Variants in LMBR1 observed in about 807,000 individuals in gnomAD.
The protein encoded by LMBR1 is limb region 1 protein homolog.
Under a neutral mutation model 73.9 loss-of-function variants are expected in LMBR1, and 52 were observed. The observed-to-expected ratio is 0.70, with a 90% CI of 0.56 to 0.89. The LOEUF is 0.89. Ranked by LOEUF, LMBR1 falls within the 40% of genes least tolerant of loss-of-function variation. The pLI is 0.00. For missense variants in LMBR1, 539 were observed against 579.8 expected (o/e 0.93, Z 0.72); for synonymous variants, 215 against 209.4 (o/e 1.03, Z -0.23).
Position 156,724,137 on chromosome 7 carries a change from A to T in LMBR1, c.1200T>A (p.Ala400=). Residue 400 remains alanine, a synonymous_variant, in exon 15 of 17, where the codon GCT becomes GCA. Coordinates refer to ENST00000353442, the MANE Select transcript of LMBR1 (RefSeq NM_022458.4). ...CCAGTGTTCTCGACATCACAGGCAG[A>T]GCAGAGCTCAAAACCAAGATGGACA... is the stretch of plus-strand genomic sequence containing the variant. ...NCVSILVLSS[A]LPVMSRTLGI... is the part of the protein sequence containing the mutation. 1.2e-6 allele frequency: 2 copies of T among 1,611,398 alleles called. No homozygotes were observed. The highest frequency in any genetic ancestry group is 1.7e-6 in the Non-Finnish European group (2 of 1,178,568).
At chr7:156,803,861 G>A (rs1831488457) in intron 4 of LMBR1, among the ~76,000 whole-genome samples, 1 of 151,718 alleles carries the variant, frequency 6.6e-6, no homozygotes, top group African/African-American at 2.4e-5. Flanking sequence ...GATGAAACTG[G>A]AACCCATCAT....
intron 4 of LMBR1, among the ~76,000 whole-genome samples, chr7:156,807,265 A>G (rs918187392): frequency 3.9e-5 from 6 of 152,206 alleles, no homozygotes; most frequent in Non-Finnish European, 7.3e-5. Flanking sequence ...ATGTTCCCAC[A>G]TCTTCAATTT....
intron 4 of LMBR1, among the ~76,000 whole-genome samples, chr7:156,803,181 C>G (rs1369472534): frequency 2.0e-5 from 3 of 152,214 alleles, no homozygotes; most frequent in Non-Finnish European, 4.4e-5. Flanking sequence ...AGCTTCTGCA[C>G]AGCAAAAGAA....
chr7:156,699,775 T>C (rs1317371703), intron 15 of LMBR1, among the ~76,000 whole-genome samples: 2 of 152,082 alleles, frequency 1.3e-5, no homozygotes, highest in Admixed American at 1.3e-4. Flanking sequence ...AGAAGACATT[T>C]ATGCAGCCAA....
intron 10 of LMBR1, 31 bp downstream of exon 10, chr7:156,734,146 T>TA: frequency 2.9e-6 from 4 of 1,392,270 alleles, no homozygotes; most frequent in Non-Finnish European, 4.0e-6. Context: ...CCAAGGCCAA[T>TA]ACACAAGTCA....
chr7:156,797,274 T>G lies in LMBR1; in HGVS notation c.320-782A>C, dbSNP rs529498422. On this transcript the variant is annotated intron_variant, in intron 4 of 16. Coordinates refer to ENST00000353442, the MANE Select transcript of LMBR1 (RefSeq NM_022458.4). ...AAAAGACAGAGCCCTGTTAGGTATG[T>G]CATTGGGAGGGTATTTGGCCCAACA... Among the ~76,000 whole-genome samples the G allele has an allele frequency of 1.4e-4, 22 of 152,308 alleles. No individual in the cohort carries two copies. In the East Asian group the frequency reaches 4.2e-3, roughly 29 times the overall value.
At chr7:156,858,072 CAAAAAAA>C (rs764584626) in intron 1 of LMBR1, among the ~76,000 whole-genome samples, 2,839 of 59,740 alleles carry the variant, frequency 0.048, 119 homozygotes, top group African/African-American at 0.14. Flanking sequence ...CCAAAGTAAG[CAAAAAAA>C]AAAAAAAAAA....
Position 156,734,257 on chromosome 7 carries a change from C to A in LMBR1, c.758G>T (p.Gly253Val), listed in dbSNP as rs772036803. 2 of 1,595,598 alleles carry A rather than the reference C, an allele frequency of 1.3e-6. No homozygotes were observed. The highest frequency in any genetic ancestry group is 2.3e-5 in the South Asian group (2 of 87,040). ...GTTGTATTCCACCGATGAAGACAGC[C>A]CTGTTCAAAGCAAAAAATATTTAGA... ...EEEALQRRLN[G>V]LSSSVEYNIM... The change falls in exon 10 of 17, where the codon GGG (glycine) becomes GTG (valine). Residue 253 changes from glycine (G) to valine (V), a missense_variant and splice_region_variant. By Grantham distance (109) the Gly-to-Val change is moderately radical. Transcript: ENST00000353442.
At chr7:156,791,568 T>C (rs1829235205) in intron 5 of LMBR1, among the ~76,000 whole-genome samples, 1 of 152,194 alleles carries the variant, frequency 6.6e-6, no homozygotes, top group African/African-American at 2.4e-5. Context: ...AAAAAAATCT[T>C]TGTTCCTCCT....
intron 3 of LMBR1, among the ~76,000 whole-genome samples, chr7:156,829,880 T>G (rs979207587): frequency 6.6e-6 from 1 of 152,220 alleles, no homozygotes; most frequent in African/African-American, 2.4e-5. Flanking sequence ...TCATCCTCCC[T>G]CTAGCTGCTG....
intron 1 of LMBR1, among the ~76,000 whole-genome samples, chr7:156,889,197 C>T (rs1201437148): frequency 6.6e-6 from 1 of 152,128 alleles, no homozygotes; most frequent in Non-Finnish European, 1.5e-5. Context: ...TTCATATAGG[C>T]AGAACCAGCA....
At position 156,859,191 on chromosome 7, in the gene LMBR1, T is replaced by C. The variant is rs974233472; in HGVS notation, c.67-22306A>G. Among the ~76,000 whole-genome samples, 9 of 150,292 alleles carry C rather than the reference T, an allele frequency of 6.0e-5. No homozygotes were observed. In the Admixed American group the frequency reaches 6.0e-4, roughly 10 times the overall value. Reference sequence around the variant, plus strand: ...TGAATCCAGGAGGTGGAGGTTGCAGTGAGCCGAGATTGCGCCATTGCAGTC... The same window carrying C: ...TGAATCCAGGAGGTGGAGGTTGCAGCGAGCCGAGATTGCGCCATTGCAGTC... On this transcript the variant is annotated intron_variant, in intron 1 of 16. Transcript: ENST00000353442.
chr7:156,788,467 T>C (rs1205260962), intron 5 of LMBR1, among the ~76,000 whole-genome samples: 1 of 152,056 alleles, frequency 6.6e-6, no homozygotes. Context: ...TGACTAGGAA[T>C]TTTTTAAAAT....
chr7:156,859,829 T>C (rs2134176467), intron 1 of LMBR1, among the ~76,000 whole-genome samples: 1 of 152,250 alleles, frequency 6.6e-6, no homozygotes. Context: ...GCAAAAGACC[T>C]AGAATAGGTG....
intron 3 of LMBR1, among the ~76,000 whole-genome samples, chr7:156,830,700 G>A (rs1226592343): frequency 6.6e-6 from 1 of 152,170 alleles, no homozygotes; most frequent in East Asian, 1.9e-4. Context: ...CATGAATTAG[G>A]CTTCCTAATA....
intron 4 of LMBR1, among the ~76,000 whole-genome samples, chr7:156,812,372 C>T (rs999972677): frequency 1.3e-5 from 2 of 151,990 alleles, no homozygotes; most frequent in African/African-American, 2.4e-5. Context: ...AACACAAGAG[C>T]GCAGAGGACT....
chr7:156,727,811 C>G (rs1027927125), intron 12 of LMBR1, 119 bp downstream of exon 12: 1 of 447,034 alleles, frequency 2.2e-6, no homozygotes, highest in African/African-American at 2.0e-5. Flanking sequence ...GAAATTCATA[C>G]AACTTGAAGT....
intron 5 of LMBR1, among the ~76,000 whole-genome samples, chr7:156,773,759 A>C (rs1187186109): frequency 1.3e-5 from 2 of 152,180 alleles, no homozygotes; most frequent in East Asian, 3.8e-4. Flanking sequence ...TGGAAAAAAA[A>C]CCTAGGAAAT....
At chr7:156,702,767 A>G (rs1345448574) in intron 15 of LMBR1, among the ~76,000 whole-genome samples, 1 of 152,224 alleles carries the variant, frequency 6.6e-6, no homozygotes, top group East Asian at 1.9e-4. Flanking sequence ...TATCTACCCC[A>G]AGGAGTTGAA....
Sources: allele counts gnomAD v4.1 joint callset (sites outside exome capture counted in the v4.1 genomes callset), GRCh38; gene constraint gnomAD v4.1.1; transcripts MANE v1.5; gene names NCBI Gene and HGNC (gene_info 2026-07-23, HGNC 2026-07-21).